Variants in TMEM131 observed in about 807,000 individuals in gnomAD.
TMEM131 encodes the protein 2610524E03Rik.
A neutral mutation model predicts 211.6 loss-of-function variants in TMEM131; 66 were observed. That is an observed-to-expected ratio of 0.31 (90% CI 0.26 to 0.38). TMEM131 has a LOEUF of 0.38. Ranked by LOEUF, TMEM131 falls within the 10% of genes least tolerant of loss-of-function variation. The pLI, the probability that TMEM131 is intolerant of heterozygous loss-of-function variation, is 1.00. For synonymous variants in TMEM131, 844 were observed against 841.3 expected (o/e 1.00, Z -0.06); for missense variants, 2,036 against 2,299.3 (o/e 0.89, Z 2.34).
At chr2:97,917,480 T>C (rs755488056) in intron 2 of TMEM131, among the ~76,000 whole-genome samples, 4 of 152,212 alleles carry the variant, frequency 2.6e-5, no homozygotes, top group Non-Finnish European at 4.4e-5. Context: ...GCAGTACAAT[T>C]CTGATGCTAA....
chr2:97,913,401 A>G (rs1676372898), intron 2 of TMEM131, among the ~76,000 whole-genome samples: 1 of 152,214 alleles, frequency 6.6e-6, no homozygotes, highest in African/African-American at 2.4e-5. Flanking sequence ...TGGTCCTTGC[A>G]GTTCTTAACA....
chr2:97,985,248 T>C (rs1261806783), intron 1 of TMEM131, among the ~76,000 whole-genome samples: 3 of 152,122 alleles, frequency 2.0e-5, no homozygotes, highest in African/African-American at 4.8e-5. Flanking sequence ...TCTGAAGCTC[T>C]AGCCAAAGCA....
chr2:97,986,954 T>TTGCCTAGAAAATCTTC (rs1680052630), intron 1 of TMEM131, among the ~76,000 whole-genome samples: 1 of 152,232 alleles, frequency 6.6e-6, no homozygotes, highest in Non-Finnish European at 1.5e-5. Context: ...CCATGAATAA[T>TTGCCTAGAAAATCTTC]TGCCTAGAAA....
intron 26 of TMEM131, 47 bp downstream of exon 26, chr2:97,797,318 C>T (rs2305143): frequency 0.36 from 545,100 of 1,499,210 alleles, 105,100 homozygotes; most frequent in Non-Finnish European, 0.39. Flanking sequence ...GTGAGGACTT[C>T]TAAGTAAGTA....
chr2:97,992,131 AAC>A (rs1234851920), intron 1 of TMEM131, among the ~76,000 whole-genome samples: 2 of 152,248 alleles, frequency 1.3e-5, no homozygotes, highest in African/African-American at 2.4e-5. Context: ...ACAAAGGGTT[AAC>A]ACATCTCACT....
chr2:97,970,464 C>A (rs192534268), intron 1 of TMEM131, among the ~76,000 whole-genome samples: 103 of 152,264 alleles, frequency 6.8e-4, no homozygotes, highest in African/African-American at 2.4e-3. Context: ...TGGCAAAGTG[C>A]CTAGCAACTC....
intron 1 of TMEM131, among the ~76,000 whole-genome samples, chr2:97,977,442 T>C (rs573332274): frequency 6.6e-6 from 1 of 152,226 alleles, no homozygotes; most frequent in Admixed American, 6.5e-5. Context: ...AGAAATACAA[T>C]TAAAATTACA....
At chr2:97,880,549 A>G (rs1438503310) in intron 4 of TMEM131, among the ~76,000 whole-genome samples, 2 of 152,172 alleles carry the variant, frequency 1.3e-5, no homozygotes, top group Admixed American at 6.5e-5. Flanking sequence ...TGGATTTGAC[A>G]GGAAGGGGAT....
intron 1 of TMEM131, among the ~76,000 whole-genome samples, chr2:97,981,123 T>A (rs1234382303): frequency 1.3e-5 from 2 of 148,664 alleles, no homozygotes; most frequent in Admixed American, 6.7e-5. Context: ...ATAACCTTGC[T>A]GCTTTCATTT....
chr2:97,920,970 A>AGTGTGTGTGTGT (rs57343769), intron 2 of TMEM131, among the ~76,000 whole-genome samples: 49 of 146,720 alleles, frequency 3.3e-4, no homozygotes, highest in African/African-American at 9.1e-4. Flanking sequence ...AAAAATCCCG[A>AGTGTGTGTGTGT]GTGTGTGTGT....
intron 35 of TMEM131, chr2:97,764,116 G>C (rs970348449): frequency 1.3e-5 from 2 of 152,196 alleles, no homozygotes; most frequent in African/African-American, 4.8e-5. Context: ...CATGCTAAGG[G>C]GTGCTACTTG....
rs573116567 is a variant in TMEM131, at chr2:97,816,807, A to T, written c.1184-1500T>A. On this transcript the variant is annotated intron_variant, in intron 12 of 40. Coordinates refer to ENST00000186436, the MANE Select transcript of TMEM131 (RefSeq NM_015348.2). Reference sequence around the variant, plus strand: ...CAAGAAAATTCTGTTGAAAATCATGAAGAATAACTTTTGATGAGAAAGATG... The same window carrying T: ...CAAGAAAATTCTGTTGAAAATCATGTAGAATAACTTTTGATGAGAAAGATG... Among the ~76,000 whole-genome samples, 6 of 152,328 alleles carry T rather than the reference A, an allele frequency of 3.9e-5. No homozygotes were observed. The East Asian group carries it at 9.6e-4, about 24-fold the overall frequency.
At chr2:97,808,484 C>T (rs1230471212) in intron 19 of TMEM131, among the ~76,000 whole-genome samples, 1 of 152,198 alleles carries the variant, frequency 6.6e-6, no homozygotes, top group East Asian at 1.9e-4. Context: ...CAGGCTCAAA[C>T]TCTAAGCCAT....
At position 97,978,257 on chromosome 2, in the gene TMEM131, G is replaced by A. The variant is rs575417978; in HGVS notation, c.187+17219C>T. On this transcript the variant is annotated intron_variant, in intron 1 of 40. Coordinates refer to ENST00000186436, the MANE Select transcript of TMEM131 (RefSeq NM_015348.2). ...TCTCTAACCCTGCTACTACTTTATCGACTAAGTTGATAATACCCTGAATCC... is the reference window on the plus strand; with the variant it reads ...TCTCTAACCCTGCTACTACTTTATCAACTAAGTTGATAATACCCTGAATCC... 2.8e-4 allele frequency among the ~76,000 whole-genome samples: 42 copies of A among 152,132 alleles called. No homozygotes were observed. In the South Asian group the frequency reaches 7.9e-3, roughly 29 times the overall value.
intron 11 of TMEM131, among the ~76,000 whole-genome samples, chr2:97,819,302 G>GT (rs1681998274): frequency 6.6e-6 from 1 of 152,220 alleles, no homozygotes; most frequent in African/African-American, 2.4e-5. Context: ...AGCCCACAGG[G>GT]ATGTTCAGCT....
chr2:97,805,113 C>T lies in TMEM131; in HGVS notation c.2377G>A (p.Gly793Arg), dbSNP rs1359632752. The T allele has an allele frequency of 6.2e-6, 10 of 1,612,662 alleles. No homozygotes were observed. The highest frequency in any genetic ancestry group is 8.5e-6 in the Non-Finnish European group (10 of 1,179,450). The stretch of plus-strand genomic sequence containing the variant: ...CTATGACCTGAATTTTCCTTTATTC[C>T]TGTCCATCCCTTGAACAGGCTTTGA... Reference protein sequence around the residue: ...LHQSLFKGWTGIKENSGHRLS... With the variant: ...LHQSLFKGWTRIKENSGHRLS... The change falls in exon 22 of 41, where the codon GGA becomes AGA. Residue 793 changes from glycine to arginine, a missense_variant. This residue lies in a region of TMEM131 where 1,623 missense variants were observed against 1,805.9 expected (regional missense o/e 0.90). Transcript: ENST00000186436.
At chr2:97,827,257 A>G (rs1682444237) in intron 11 of TMEM131, 2 of 780,586 alleles carry the variant, frequency 2.6e-6, no homozygotes, top group Admixed American at 1.7e-5. Context: ...GATGCCCAAG[A>G]GGAAGGTCAG....
At position 97,771,581 on chromosome 2, in the gene TMEM131, G is replaced by A. The variant is rs906468510; in HGVS notation, c.4448+716C>T. ...CACAAGCGGGTAGACAGCAGCTCCC[G>A]TGCTGATGACAGTTCTATACAATGA... On this transcript the variant is annotated intron_variant, in intron 33 of 40. Coordinates refer to ENST00000186436, the MANE Select transcript of TMEM131 (RefSeq NM_015348.2). 1.1e-4 allele frequency among the ~76,000 whole-genome samples: 16 copies of A among 152,300 alleles called. No homozygotes were observed. In the East Asian group the frequency reaches 1.9e-3, roughly 18 times the overall value.
At position 97,993,989 on chromosome 2, in the gene TMEM131, C is replaced by G. The variant is rs141541138; in HGVS notation, c.187+1487G>C. ...GGGCGCATGAAGACAGTCATTCACT[C>G]AAAGGCTAAGCGCCAGTGTGTCTGG... is the stretch of plus-strand genomic sequence containing the variant. On this transcript the variant is annotated intron_variant, in intron 1 of 40. Transcript: ENST00000186436. Among the ~76,000 whole-genome samples, 79 of 152,334 alleles carry G rather than the reference C, an allele frequency of 5.2e-4. 1 individual carries two copies. The highest frequency in any genetic ancestry group is 1.8e-3 in the African/African-American group (74 of 41,566).
Sources: gnomAD v4.1 joint callset for allele counts (sites outside exome capture counted in the v4.1 genomes callset) on GRCh38, gnomAD v4.1.1 for gene constraint, gnomAD v4.1.1 regional missense constraint, MANE v1.5 for transcripts, NCBI Gene and HGNC (gene_info 2026-07-23, HGNC 2026-07-21) for gene names.